Variants in LARP4 observed in about 807,000 individuals in gnomAD.
The protein encoded by LARP4 is la-related protein 4.
A neutral mutation model predicts 92.9 loss-of-function variants in LARP4; 29 were observed. The ratio of observed to expected loss-of-function variants is 0.31; its 90% CI spans 0.23 to 0.43. The LOEUF is 0.43. LARP4 is among the 20% of genes least tolerant of loss of function. The pLI, the probability that LARP4 is intolerant of heterozygous loss-of-function variation, is 1.00. For synonymous variants in LARP4, 279 were observed against 284.1 expected, an observed-to-expected ratio of 0.98 and a Z score of 0.18; for missense variants, 732 against 860.0, an observed-to-expected ratio of 0.85 and a Z score of 1.86.
intron 12 of LARP4, among the ~76,000 whole-genome samples, chr12:50,464,091 G>C (rs533493318): frequency 6.6e-6 from 1 of 152,250 alleles, no homozygotes; most frequent in African/African-American, 2.4e-5. Context: ...CACATTTTCA[G>C]TTATCTTTAT....
intron 9 of LARP4, 139 bp from the exon 10 acceptor site, chr12:50,454,175 C>A (rs1953795000): frequency 3.4e-6 from 2 of 595,644 alleles, no homozygotes; most frequent in Non-Finnish European, 5.8e-6. Context: ...GTGAATATTG[C>A]AGAAATGAAT....
At chr12:50,459,694 C>T (rs1020258535) in intron 10 of LARP4, among the ~76,000 whole-genome samples, 9 of 151,636 alleles carry the variant, frequency 5.9e-5, no homozygotes, top group Non-Finnish European at 1.3e-4. Context: ...TGTGGTGGCA[C>T]GTGCCTATAG....
chr12:50,426,153 A>ATATC (rs1948674072), intron 1 of LARP4, among the ~76,000 whole-genome samples: 3 of 152,270 alleles, frequency 2.0e-5, no homozygotes, highest in African/African-American at 7.2e-5. Flanking sequence ...GGAAGAGGAT[A>ATATC]GGGAGATCTC....
chr12:50,477,052 G>T lies in LARP4; in HGVS notation c.*1188G>T, dbSNP rs1478696227. 3 of 152,348 alleles carry T rather than the reference G, an allele frequency of 2.0e-5. No homozygotes were observed. The highest frequency in any genetic ancestry group is 4.4e-5 in the Non-Finnish European group (3 of 67,994). The allele number at this position is 152,348 out of a possible 1,614,324, so 9.4% of individuals were successfully genotyped here. The stretch of plus-strand genomic sequence containing the variant: ...TTTAAAGGCTTAATTTGGGAGGGGG[G>T]ACTTATTTCTGTTTACAGTGTATTA... On this transcript the variant is annotated 3_prime_UTR_variant, in exon 16 of 16. Coordinates refer to ENST00000398473, the MANE Select transcript of LARP4 (RefSeq NM_052879.5).
intron 8 of LARP4, among the ~76,000 whole-genome samples, chr12:50,448,761 T>C (rs1430846666): frequency 6.6e-6 from 1 of 151,956 alleles, no homozygotes; most frequent in African/African-American, 2.4e-5. Context: ...CTGACCTCAG[T>C]TGATCTGCCT....
Position 50,468,216 on chromosome 12 carries a change from G to T in LARP4, c.1545+1096G>T, listed in dbSNP as rs184899370. ...GCTGGTCTCAAACTCCTGACCTTGC[G>T]ATCCGCCCACCTCGGCCTCCCAAAG... On this transcript the variant is annotated intron_variant, in intron 13 of 15. Transcript: ENST00000398473. Among the ~76,000 whole-genome samples the T allele has an allele frequency of 5.4e-4, 82 of 152,108 alleles. 1 individual carries two copies. Among genetic ancestry groups the T allele is most frequent in the African/African-American group, 1.9e-3 (78 of 41,508 alleles).
chr12:50,429,640 G>GT (rs1031084848), intron 3 of LARP4, among the ~76,000 whole-genome samples: 4 of 152,032 alleles, frequency 2.6e-5, no homozygotes, highest in African/African-American at 7.2e-5. Context: ...TTTTGTTGTT[G>GT]TTTTTTTGTT....
chr12:50,403,838 G>A (rs1226221889), intron 1 of LARP4, among the ~76,000 whole-genome samples: 1 of 152,144 alleles, frequency 6.6e-6, no homozygotes, highest in African/African-American at 2.4e-5. Context: ...ATCGTGCTTT[G>A]TGTCAGGAAC....
chr12:50,408,512 G>A (rs1426674989), intron 1 of LARP4, among the ~76,000 whole-genome samples: 5 of 152,058 alleles, frequency 3.3e-5, no homozygotes, highest in Admixed American at 2.0e-4. Context: ...AGGATTTCTC[G>A]TCAGGGTAGA....
chr12:50,434,148 G>A lies in LARP4; in HGVS notation c.399-1340G>A, dbSNP rs140817613. Among the ~76,000 whole-genome samples, 49 of 152,242 alleles carry A rather than the reference G, an allele frequency of 3.2e-4. 1 individual carries two copies. The highest frequency in any genetic ancestry group is 1.4e-3 in the Admixed American group (21 of 15,282). Reference sequence around the variant, plus strand: ...AAATTAAATGCAAGGACAGGAATCAGGAATGCTGGGGTGGTTGCAGTTTTA... The same window carrying A: ...AAATTAAATGCAAGGACAGGAATCAAGAATGCTGGGGTGGTTGCAGTTTTA... On this transcript the variant is annotated intron_variant, in intron 4 of 15. Transcript: ENST00000398473.
chr12:50,473,511 T>C lies in LARP4; in HGVS notation c.1642T>C (p.Cys548Arg). 1.2e-6 allele frequency: 2 copies of C among 1,613,622 alleles called. No individual in the cohort carries two copies. Among genetic ancestry groups the C allele is most frequent in the Non-Finnish European group, 1.7e-6 (2 of 1,179,684 alleles). ...QQLNMSTSSP[C>R]AAELTALSTT... is the part of the protein sequence containing the mutation. ...ACTCAATATGAGTACCAGTTCTCCATGTGCTGCTGAGCTTACTGCATTAAG... is the reference window on the plus strand; with the variant it reads ...ACTCAATATGAGTACCAGTTCTCCACGTGCTGCTGAGCTTACTGCATTAAG... Residue 548 changes from cysteine to arginine, a missense_variant, in exon 14 of 16, where the codon TGT becomes CGT. Cys to Arg is a radical substitution (Grantham distance 180, BLOSUM62 -3). Around this residue, in one of 7 missense-constraint regions of LARP4, gnomAD observed 97 missense variants for 85.9 expected, o/e 1.13. Transcript: ENST00000398473.
At chr12:50,472,850 C>T (rs574874490) in intron 13 of LARP4, among the ~76,000 whole-genome samples, 9 of 149,820 alleles carry the variant, frequency 6.0e-5, no homozygotes, top group African/African-American at 2.2e-4. Context: ...GACGGAGTCT[C>T]GCACTGTAGC....
chr12:50,417,863 T>A (rs1947099093), intron 1 of LARP4, among the ~76,000 whole-genome samples: 1 of 152,058 alleles, frequency 6.6e-6, no homozygotes, highest in South Asian at 2.1e-4. Context: ...CTGGCTCATT[T>A]TTTTTTCTTG....
rs562019378 is a variant in LARP4 at position 50,412,766 on chromosome 12, A to G, written c.18+11738A>G. The stretch of plus-strand genomic sequence containing the variant: ...GTTTAGATCTTTTTGTTGAGTATCT[A>G]TGTGCTTGCATACTATGTATATGTT... On this transcript the variant is annotated intron_variant, in intron 1 of 15. Transcript: ENST00000398473. Among the ~76,000 whole-genome samples the G allele has an allele frequency of 1.2e-4, 18 of 152,296 alleles. No homozygotes were observed. In the East Asian group the frequency reaches 1.4e-3, roughly 11 times the overall value.
intron 8 of LARP4, among the ~76,000 whole-genome samples, chr12:50,446,722 C>G (rs550686906): frequency 6.6e-6 from 1 of 151,820 alleles, no homozygotes; most frequent in Non-Finnish European, 1.5e-5. Flanking sequence ...CCACCACACC[C>G]GGCCTAGTGG....
chr12:50,437,957 G>A (rs1244690966), intron 6 of LARP4, 119 bp downstream of exon 6: 4 of 582,020 alleles, frequency 6.9e-6, no homozygotes, highest in African/African-American at 5.6e-5. Flanking sequence ...GCATAAGTCA[G>A]TGCCTTCATC....
At chr12:50,401,232 T>A in intron 1 of LARP4, 2 of 649,042 alleles carry the variant, frequency 3.1e-6, no homozygotes, top group South Asian at 3.5e-5. Flanking sequence ...GTGAGGCCCG[T>A]AGTGGAGAAG....
At position 50,462,565 on chromosome 12, in the gene LARP4, C is replaced by CCAG; in HGVS notation, c.1335-17_1335-16insCAG. ...TCCCTCCACCCCACCCCACCCCCAC[C>CCAG]TTTTTCTTATTAAAAGGAGAACTCT... On this transcript the variant is annotated splice_polypyrimidine_tract_variant and intron_variant, in intron 11 of 15. Coordinates refer to ENST00000398473, the MANE Select transcript of LARP4 (RefSeq NM_052879.5). 6.7e-7 allele frequency: 1 copy of CCAG among 1,500,218 alleles called. No individual in the cohort carries two copies. The highest frequency in any genetic ancestry group is 9.2e-7 in the Non-Finnish European group (1 of 1,091,524). The allele number at this position is 1,500,218 out of a possible 1,614,324, so 92.9% of individuals were successfully genotyped here. A position where few individuals can be genotyped will look rare whatever the true frequency, so the allele number is the denominator to read the frequency against.
chr12:50,405,836 A>G (rs2136250354), intron 1 of LARP4, among the ~76,000 whole-genome samples: 1 of 152,302 alleles, frequency 6.6e-6, no homozygotes, highest in East Asian at 1.9e-4. Flanking sequence ...CTCAAGTCTT[A>G]CATAAAAAGG....
Sources: allele counts gnomAD v4.1 joint callset (sites outside exome capture counted in the v4.1 genomes callset), GRCh38; gene constraint gnomAD v4.1.1; regional missense constraint gnomAD v4.1.1; transcripts MANE v1.5; gene names NCBI Gene and HGNC (gene_info 2026-07-23, HGNC 2026-07-21).